FBN1: variants seen among roughly 807,000 people sequenced by gnomAD.
The protein encoded by FBN1 is fibrillin-1.
FBN1 carries 29 observed loss-of-function variants against 365.1 expected under a neutral mutation model. That is an observed-to-expected ratio of 0.08 (90% CI 0.06 to 0.11). The LOEUF is 0.11. Ranked by LOEUF, FBN1 falls within the 10% of genes least tolerant of loss-of-function variation. The pLI, the probability that FBN1 is intolerant of heterozygous loss-of-function variation, is 1.00. For missense variants in FBN1, 2,476 were observed against 3,703.2 expected (o/e 0.67, Z 8.60); for synonymous variants, 1,210 against 1,270.5 (o/e 0.95, Z 1.01).
intron 42 of FBN1, among the ~76,000 whole-genome samples, chr15:48,460,695 T>C (rs1421086084): frequency 6.6e-6 from 1 of 152,164 alleles, no homozygotes; most frequent in Non-Finnish European, 1.5e-5. Flanking sequence ...GAGGAACACG[T>C]ATAAAAGCCA....
intron 2 of FBN1, among the ~76,000 whole-genome samples, chr15:48,619,171 A>G (rs922350509): frequency 6.6e-6 from 1 of 151,970 alleles, no homozygotes; most frequent in African/African-American, 2.4e-5. Flanking sequence ...TGTAGACCCA[A>G]AGACTCTTTT....
chr15:48,465,963 A>G (rs1360091061), intron 38 of FBN1, 105 bp from the exon 39 acceptor site: 1 of 807,304 alleles, frequency 1.2e-6, no homozygotes, highest in African/African-American at 1.7e-5. Flanking sequence ...GTTCATTTTC[A>G]GGAATCTTTA....
chr15:48,514,193 T>A (rs1232427173), intron 12 of FBN1, among the ~76,000 whole-genome samples: 2 of 152,180 alleles, frequency 1.3e-5, no homozygotes, highest in Non-Finnish European at 2.9e-5. Flanking sequence ...CTCACACTAG[T>A]TTTACAGTCA....
chr15:48,542,612 A>G (rs1369842168), intron 6 of FBN1, among the ~76,000 whole-genome samples: 1 of 152,186 alleles, frequency 6.6e-6, no homozygotes, highest in Non-Finnish European at 1.5e-5. Context: ...ACCTTAGGAC[A>G]TAATAGAATC....
intron 2 of FBN1, among the ~76,000 whole-genome samples, chr15:48,628,887 T>C (rs549601615): frequency 1.2e-4 from 19 of 152,236 alleles, no homozygotes; most frequent in Admixed American, 6.5e-5. Context: ...GAAGGACACA[T>C]ACCACTTATA....
intron 2 of FBN1, among the ~76,000 whole-genome samples, chr15:48,627,842 A>G (rs1239341899): frequency 2.0e-5 from 3 of 152,190 alleles, no homozygotes; most frequent in African/African-American, 7.2e-5. Context: ...GGAAGATGTC[A>G]CAGTATTTGT....
intron 2 of FBN1, among the ~76,000 whole-genome samples, chr15:48,636,881 C>T (rs1265522139): frequency 6.6e-6 from 1 of 152,220 alleles, no homozygotes; most frequent in African/African-American, 2.4e-5. Flanking sequence ...TTTTAAGCCA[C>T]GAAGTCTGGG....
chr15:48,419,289 T>C (rs1015277720), intron 63 of FBN1, among the ~76,000 whole-genome samples: 1 of 152,172 alleles, frequency 6.6e-6, no homozygotes, highest in Non-Finnish European at 1.5e-5. Context: ...GTGCATGGCC[T>C]GGTCGCCTCT....
intron 50 of FBN1, among the ~76,000 whole-genome samples, chr15:48,438,897 T>G (rs1290798038): frequency 6.6e-6 from 1 of 152,166 alleles, no homozygotes; most frequent in Non-Finnish European, 1.5e-5. Context: ...CTTCCAAAAC[T>G]CCTCTCATTA....
At chr15:48,625,607 C>A (rs1021483803) in intron 2 of FBN1, among the ~76,000 whole-genome samples, 3 of 152,164 alleles carry the variant, frequency 2.0e-5, no homozygotes, top group East Asian at 3.9e-4. Context: ...ATCCTCGATG[C>A]ACCTGATTTA....
chr15:48,502,797 C>T (rs1053320312), intron 17 of FBN1, among the ~76,000 whole-genome samples: 4 of 152,000 alleles, frequency 2.6e-5, no homozygotes, highest in African/African-American at 7.2e-5. Flanking sequence ...TTAATATAAG[C>T]CACCTCAAAT....
At chr15:48,412,035 G>T (rs1309199674) in intron 65 of FBN1, among the ~76,000 whole-genome samples, 1 of 152,186 alleles carries the variant, frequency 6.6e-6, no homozygotes. Flanking sequence ...GGATTCTATG[G>T]GCCCAGAGCC....
At chr15:48,448,692 T>C in intron 46 of FBN1, 76 bp downstream of exon 46, 2 of 1,436,396 alleles carry the variant, frequency 1.4e-6, no homozygotes, top group Non-Finnish European at 1.9e-6. Flanking sequence ...GACTTAGTAT[T>C]AAATTTTATC....
chr15:48,520,865 C>T lies in FBN1; in HGVS notation c.989-48G>A, dbSNP rs369284256. On this transcript the variant is annotated intron_variant, in intron 9 of 65. Coordinates refer to ENST00000316623, the MANE Select transcript of FBN1 (RefSeq NM_000138.5). ...ACACACACACATCGCTGAGATAATA[C>T]TTGTAACAACACTCCCCTGCCCGAG... is the stretch of plus-strand genomic sequence containing the variant. 8.1e-6 allele frequency: 13 copies of T among 1,612,206 alleles called. No homozygotes were observed. The African/African-American group carries it at 1.5e-4, about 18-fold the overall frequency.
Position 48,434,603 on chromosome 15 carries a change from T to C in FBN1, c.6607A>G (p.Thr2203Ala). ...EEGFEPGPMM[T>A]CEDINECAQN... ...TGTTTAAGAGATGTACCTTCACATG[T>C]CATCATTGGACCGGGCTCAAATCCC... is the stretch of plus-strand genomic sequence containing the variant. The change falls in exon 54 of 66, where the codon ACA becomes GCA. Residue 2203 changes from threonine to alanine, a missense_variant. Thr to Ala is a moderately conservative substitution (Grantham distance 58). Transcript: ENST00000316623. The C allele has an allele frequency of 6.2e-7, 1 of 1,613,768 alleles. No homozygotes were observed. The highest frequency in any genetic ancestry group is 8.5e-7 in the Non-Finnish European group (1 of 1,179,752).
chr15:48,435,845 T>C (rs1341933374), intron 53 of FBN1, among the ~76,000 whole-genome samples: 1 of 150,566 alleles, frequency 6.6e-6, no homozygotes, highest in Non-Finnish European at 1.5e-5. Flanking sequence ...CCTAGAATAC[T>C]CACCATTCTT....
intron 46 of FBN1, among the ~76,000 whole-genome samples, chr15:48,448,245 T>C (rs73392144): frequency 0.021 from 3,153 of 149,896 alleles, 110 homozygotes; most frequent in African/African-American, 0.071. Flanking sequence ...AAGAAGAAAA[T>C]GATTCATTAC....
chr15:48,561,424 A>G (rs2044221491), intron 6 of FBN1, among the ~76,000 whole-genome samples: 1 of 152,204 alleles, frequency 6.6e-6, no homozygotes, highest in African/African-American at 2.4e-5. Flanking sequence ...AAAATCAAGA[A>G]GCATAGAAAA....
intron 6 of FBN1, 28 bp downstream of exon 6, chr15:48,596,255 T>A: frequency 6.3e-7 from 1 of 1,597,346 alleles, no homozygotes; most frequent in Non-Finnish European, 8.6e-7. Flanking sequence ...CAGCATGTCT[T>A]TACGTAAATG....
Sources: gnomAD v4.1 joint callset for allele counts (sites outside exome capture counted in the v4.1 genomes callset) on GRCh38, gnomAD v4.1.1 for gene constraint, MANE v1.5 for transcripts, NCBI Gene and HGNC (gene_info 2026-07-23, HGNC 2026-07-21) for gene names.